PEX7: variants seen among roughly 807,000 people sequenced by gnomAD.
PEX7 encodes peroxisomal biogenesis factor 7, also known as PTS2 receptor.
In PEX7, 34 loss-of-function variants were observed where a neutral mutation model predicts 47.5. The ratio of observed to expected loss-of-function variants is 0.72; its 90% confidence interval spans 0.54 to 0.95. The LOEUF is 0.95. PEX7 is among the 40% of genes least tolerant of loss of function. The pLI, the probability that PEX7 is intolerant of heterozygous loss-of-function variation, is 0.00. For synonymous variants in PEX7, 141 were observed against 148.8 expected (o/e 0.95, Z 0.38); for missense variants, 394 against 400.3 (o/e 0.98, Z 0.13).
chr6:136,905,132 ACTGTT>A (rs1775824579), intron 9 of PEX7, among the ~76,000 whole-genome samples: 1 of 151,988 alleles, frequency 6.6e-6, no homozygotes, highest in South Asian at 2.1e-4. Context: ...TGTTCTACTT[ACTGTT>A]AGAAGAGAGT....
chr6:136,863,452 G>A (rs375611924), intron 5 of PEX7, among the ~76,000 whole-genome samples: 1 of 152,060 alleles, frequency 6.6e-6, no homozygotes, highest in Non-Finnish European at 1.5e-5. Flanking sequence ...ATACAAAGCA[G>A]TAGTAGTACG....
At chr6:136,892,734 T>C (rs910066417) in intron 8 of PEX7, among the ~76,000 whole-genome samples, 6 of 152,150 alleles carry the variant, frequency 3.9e-5, no homozygotes, top group Admixed American at 3.3e-4. Context: ...TATTAAGAAA[T>C]AAATAAATGC....
intron 5 of PEX7, among the ~76,000 whole-genome samples, chr6:136,862,896 G>A (rs1582755214): frequency 6.6e-6 from 1 of 152,134 alleles, no homozygotes. Flanking sequence ...AGGACATGCT[G>A]TTCCTAGAAA....
rs996555269 is a variant in PEX7 at position 136,870,282 on chromosome 6, A to AT, written c.747+286dup. ...CTCCAATCTGTTTTTCCTTTAATAT[A>AT]TTTTTTTAACTATAGTAATTCACTT... is the stretch of plus-strand genomic sequence containing the variant. On this transcript the variant is annotated intron_variant, in intron 7 of 9. Transcript: ENST00000318471. 2.6e-5 allele frequency among the ~76,000 whole-genome samples: 4 copies of AT among 152,210 alleles called. No individual in the cohort carries two copies. The East Asian group carries it at 7.7e-4, about 29-fold the overall frequency.
At chr6:136,897,077 A>G (rs1364106381) in intron 8 of PEX7, among the ~76,000 whole-genome samples, 3 of 152,206 alleles carry the variant, frequency 2.0e-5, no homozygotes, top group Non-Finnish European at 4.4e-5. Flanking sequence ...TAAATGAGCT[A>G]TTTACTCATT....
At chr6:136,852,218 G>C (rs2115183477) in intron 5 of PEX7, among the ~76,000 whole-genome samples, 1 of 152,214 alleles carries the variant, frequency 6.6e-6, no homozygotes, top group East Asian at 1.9e-4. Flanking sequence ...CTTTCTGGAA[G>C]CACTGGAAGC....
intron 3 of PEX7, among the ~76,000 whole-genome samples, chr6:136,837,085 T>C (rs1397039698): frequency 6.6e-6 from 1 of 151,840 alleles, no homozygotes; most frequent in East Asian, 2.0e-4. Flanking sequence ...ACTGAAAGTT[T>C]TAGCCGCGCT....
Position 136,872,252 on chromosome 6 carries a change from A to G in PEX7, c.802A>G (p.Arg268Gly). ...CTCTTGCTCGTATGATTTTACTGTAAGGTACAGTGGTTTTTAATACATTTC... is the reference window on the plus strand; with the variant it reads ...CTCTTGCTCGTATGATTTTACTGTAGGGTACAGTGGTTTTTAATACATTTC... The part of the protein sequence containing the change: ...LASCSYDFTV[R>G]FWNFSKPDSL... The change falls in exon 8 of 10, where the codon AGA (arginine) becomes GGA (glycine). Residue 268 changes from arginine to glycine, a missense_variant and splice_region_variant. Arg to Gly is a moderately radical substitution (Grantham distance 125, BLOSUM62 -2). Transcript: ENST00000318471. 3 of 1,609,206 alleles carry G rather than the reference A, an allele frequency of 1.9e-6. No homozygotes were observed. The highest frequency in any genetic ancestry group is 2.5e-6 in the Non-Finnish European group (3 of 1,177,672).
rs1238255187 is a variant in PEX7, at chr6:136,822,598, G to C, written c.-68G>C. ...CGGTCTGCCTGGTCTCTCTAACCGC[G>C]CCAGTGTGCCTCCGACTCGGAACGG... On this transcript the variant is annotated 5_prime_UTR_variant, in exon 1 of 10. Transcript: ENST00000318471. 46 of 1,410,948 alleles carry C rather than the reference G, an allele frequency of 3.3e-5. No individual in the cohort carries two copies. The highest frequency in any genetic ancestry group is 3.2e-5 in the Non-Finnish European group (33 of 1,038,416). The allele number at this position is 1,410,948 out of a possible 1,614,324, so 87.4% of individuals were successfully genotyped here.
At chr6:136,906,284 TTTA>T (rs1709154349) in intron 9 of PEX7, among the ~76,000 whole-genome samples, 1 of 152,190 alleles carries the variant, frequency 6.6e-6, no homozygotes, top group African/African-American at 2.4e-5. Context: ...GGTAGAACAT[TTTA>T]TTGTCATTTG....
chr6:136,873,665 CTAAA>C (rs1406008089), intron 8 of PEX7, among the ~76,000 whole-genome samples: 1 of 152,112 alleles, frequency 6.6e-6, no homozygotes, highest in Non-Finnish European at 1.5e-5. Flanking sequence ...TAATACAGTG[CTAAA>C]TAGTTTATAG....
rs180739568 is a variant in PEX7 at position 136,862,198 on chromosome 6, C to T, written c.527-4429C>T. Among the ~76,000 whole-genome samples the T allele has an allele frequency of 4.6e-5, 7 of 151,276 alleles. No individual in the cohort carries two copies. The East Asian group carries it at 7.8e-4, about 17-fold the overall frequency. On this transcript the variant is annotated intron_variant, in intron 5 of 9. Transcript: ENST00000318471. ...TCTTATGCCCCAGCGTCTTGAGTAG[C>T]TGGGATTACAGGCGTGTGCCACCAT...
chr6:136,909,365 A>G (rs1775897207), intron 9 of PEX7, among the ~76,000 whole-genome samples: 1 of 152,198 alleles, frequency 6.6e-6, no homozygotes, highest in African/African-American at 2.4e-5. Context: ...TGTTGCTTTT[A>G]CCCACATCTC....
At chr6:136,850,514 G>A (rs1040561861) in intron 5 of PEX7, among the ~76,000 whole-genome samples, 2 of 152,114 alleles carry the variant, frequency 1.3e-5, no homozygotes, top group Non-Finnish European at 2.9e-5. Flanking sequence ...TCCTTTCCAT[G>A]TTTAGGACTT....
intron 5 of PEX7, among the ~76,000 whole-genome samples, chr6:136,847,613 A>G (rs1330823289): frequency 2.6e-5 from 4 of 151,822 alleles, no homozygotes; most frequent in Middle Eastern, 3.2e-3. Context: ...TCCTTTCCCC[A>G]TTGCTTGTTT....
At chr6:136,882,209 GCT>G (rs1775389411) in intron 8 of PEX7, among the ~76,000 whole-genome samples, 1 of 95,664 alleles carries the variant, frequency 1.0e-5, no homozygotes, top group South Asian at 3.2e-4. Flanking sequence ...AGACAGTCTT[GCT>G]CTGTCACCCA....
chr6:136,907,328 T>C (rs1209180068), intron 9 of PEX7, among the ~76,000 whole-genome samples: 1 of 152,200 alleles, frequency 6.6e-6, no homozygotes, highest in East Asian at 1.9e-4. Flanking sequence ...TTGCATAAAT[T>C]CCATAATGAT....
intron 9 of PEX7, among the ~76,000 whole-genome samples, chr6:136,906,508 G>A (rs1775847812): frequency 6.6e-6 from 1 of 152,060 alleles, no homozygotes; most frequent in Non-Finnish European, 1.5e-5. Context: ...ATGTGTGTGT[G>A]TGTGTATGGG....
At chr6:136,867,651 G>A (rs993803087) in intron 6 of PEX7, among the ~76,000 whole-genome samples, 1 of 151,990 alleles carries the variant, frequency 6.6e-6, no homozygotes, top group Non-Finnish European at 1.5e-5. Flanking sequence ...GGTGGCAGGC[G>A]CCTGTAGTCC....
Sources: gnomAD v4.1 joint callset for allele counts (sites outside exome capture counted in the v4.1 genomes callset) on GRCh38, gnomAD v4.1.1 for gene constraint, MANE v1.5 for transcripts, NCBI Gene and HGNC (gene_info 2026-07-23, HGNC 2026-07-21) for gene names.